The following CARM1 variants were observed in gnomAD, a reference collection of about 807,000 sequenced individuals.
CARM1 encodes coactivator associated arginine methyltransferase 1.
Under a neutral mutation model 72.7 loss-of-function variants are expected in CARM1, and 14 were observed. The ratio of observed to expected loss-of-function variants is 0.19; its 90% CI spans 0.13 to 0.30. The LOEUF is 0.30. Ranked by LOEUF, CARM1 falls within the 10% of genes least tolerant of loss-of-function variation. The pLI, the probability that CARM1 is intolerant of heterozygous loss-of-function variation, is 1.00. For missense variants in CARM1, 432 were observed against 833.7 expected, an observed-to-expected ratio of 0.52 and a Z score of 5.93; for synonymous variants, 333 against 345.5, an observed-to-expected ratio of 0.96 and a Z score of 0.40.
At chr19:10,875,019 G>A (rs2073852171) in intron 1 of CARM1, among the ~76,000 whole-genome samples, 1 of 148,324 alleles carries the variant, frequency 6.7e-6, no homozygotes, top group African/African-American at 2.5e-5. Flanking sequence ...GCAAGACCCT[G>A]TCTGAAAAAA....
Position 10,909,200 on chromosome 19 carries a change from A to T in CARM1, c.551A>T (p.Lys184Met). 6.2e-7 allele frequency: 1 copy of T among 1,611,020 alleles called. No individual in the cohort carries two copies. Among genetic ancestry groups the T allele is most frequent in the Non-Finnish European group, 8.5e-7 (1 of 1,177,930 alleles). The change falls in exon 4 of 16, where the codon AAG becomes ATG. Residue 184 changes from lysine (K) to methionine (M), a missense_variant. Coordinates refer to ENST00000327064, the MANE Select transcript of CARM1 (RefSeq NM_199141.2). ...ATCCTGCAAAACCACACCGACTTCA[A>T]GGACAAGGTGAGTGGCCCGCGCATG... ...RAILQNHTDF[K>M]DKIVLDVGCG...
At position 10,916,923 on chromosome 19, in the gene CARM1, A is replaced by G. The variant is rs2074201724; in HGVS notation, c.1020+146A>G. ...ACAGAGATTTGGGCCAAAAGTGTCAATGCATGTAGACACTTAGCACACAGC... is the reference window on the plus strand; with the variant it reads ...ACAGAGATTTGGGCCAAAAGTGTCAGTGCATGTAGACACTTAGCACACAGC... On this transcript the variant is annotated intron_variant, in intron 8 of 15. Transcript: ENST00000327064. The surrounding 1 kb of genome is among the most constrained non-coding windows in gnomAD (Gnocchi z 4.4). 8.2e-6 allele frequency: 5 copies of G among 610,570 alleles called. No homozygotes were observed. Among genetic ancestry groups the G allele is most frequent in the Non-Finnish European group, 1.5e-5 (5 of 341,806 alleles). The allele number at this position is 610,570 out of a possible 1,614,324, so 37.8% of individuals were successfully genotyped here. A position where few individuals can be genotyped will look rare whatever the true frequency, so the allele number is the denominator to read the frequency against.
At chr19:10,897,020 A>G (rs893452687) in intron 1 of CARM1, among the ~76,000 whole-genome samples, 1 of 152,194 alleles carries the variant, frequency 6.6e-6, no homozygotes, top group Non-Finnish European at 1.5e-5. Flanking sequence ...GAATCATTGT[A>G]GCAGAGATCA....
chr19:10,900,371 C>T (rs886972269), intron 1 of CARM1, among the ~76,000 whole-genome samples: 1 of 152,176 alleles, frequency 6.6e-6, no homozygotes, highest in East Asian at 1.9e-4. Context: ...CAGTTGCTCC[C>T]CATTCCTGCC....
intron 1 of CARM1, among the ~76,000 whole-genome samples, chr19:10,884,019 T>C (rs529516103): frequency 1.4e-5 from 2 of 146,004 alleles, no homozygotes; most frequent in African/African-American, 5.1e-5. Flanking sequence ...CTCTGTTTTT[T>C]TTTTTTTTTT....
At chr19:10,885,678 A>T (rs886290248) in intron 1 of CARM1, among the ~76,000 whole-genome samples, 3 of 152,150 alleles carry the variant, frequency 2.0e-5, no homozygotes, top group Non-Finnish European at 4.4e-5. Context: ...CTTGAACAGG[A>T]CGGGAAGGCG....
rs1415891550 is a variant in CARM1 at position 10,914,069 on chromosome 19, G to T, written c.847+15G>T. 2.5e-6 allele frequency: 4 copies of T among 1,604,930 alleles called. No homozygotes were observed. The highest frequency in any genetic ancestry group is 2.6e-6 in the Non-Finnish European group (3 of 1,176,204). ...GAAGCCCAGCGGTGAGCACTGGGGG[G>T]TACACAGGCCAGGCCCCTCGGTGGA... On this transcript the variant is annotated intron_variant, in intron 6 of 15. Transcript: ENST00000327064.
chr19:10,873,875 G>A (rs542638990), intron 1 of CARM1, among the ~76,000 whole-genome samples: 67 of 151,872 alleles, frequency 4.4e-4, no homozygotes, highest in Non-Finnish European at 5.7e-4. Flanking sequence ...TCCTGACCTC[G>A]TGATCCACCC....
At position 10,871,607 on chromosome 19, in the gene CARM1, G is replaced by GGCGGCGGCGGCGGCT. The variant is rs2073814814; in HGVS notation, c.-82_-81insTGCGGCGGCGGCGGC. The GGCGGCGGCGGCGGCT allele has an allele frequency of 8.5e-6, 1 of 118,100 alleles. No homozygotes were observed. The highest frequency in any genetic ancestry group is 2.6e-4 in the South Asian group (1 of 3,850). 7.3% of individuals were successfully genotyped at this position (118,100 alleles called of 1,614,324 possible). ...TAGCGGCAGCGGCGGCGGCGGCGGC[G>GGCGGCGGCGGCGGCT]GCGGCGGCGGCGGCGGCGGCGGCGG... On this transcript the variant is annotated 5_prime_UTR_variant, in exon 1 of 16. Transcript: ENST00000327064. The surrounding 1 kb of genome is among the most constrained non-coding windows in gnomAD (Gnocchi z 5.6).
At chr19:10,919,764 G>A (rs1172604842) in intron 9 of CARM1, 84 bp downstream of exon 9, 21 of 1,504,896 alleles carry the variant, frequency 1.4e-5, no homozygotes, top group Middle Eastern at 1.7e-4. Context: ...GCATCCTGCC[G>A]TCCCAGGGCA....
intron 1 of CARM1, among the ~76,000 whole-genome samples, chr19:10,879,261 G>C (rs1035784245): frequency 6.6e-6 from 1 of 152,212 alleles, no homozygotes; most frequent in Non-Finnish European, 1.5e-5. Flanking sequence ...AAAGGTTCCC[G>C]GTAGCTGATG....
At chr19:10,905,173 A>G in intron 2 of CARM1, 97 bp downstream of exon 2, 4 of 1,445,906 alleles carry the variant, frequency 2.8e-6, no homozygotes, top group Non-Finnish European at 3.8e-6. Context: ...TGGCCCGTGC[A>G]TCCTTAAGAA....
At chr19:10,891,725 T>C (rs1282687455) in intron 1 of CARM1, among the ~76,000 whole-genome samples, 1 of 152,222 alleles carries the variant, frequency 6.6e-6, no homozygotes, top group Non-Finnish European at 1.5e-5. Context: ...TGTCTGGCTA[T>C]CTTTCATGTA....
intron 1 of CARM1, among the ~76,000 whole-genome samples, chr19:10,900,530 A>C (rs1296720375): frequency 6.6e-6 from 1 of 152,156 alleles, no homozygotes; most frequent in African/African-American, 2.4e-5. Flanking sequence ...TTTATGGCTG[A>C]ATAATGTTTC....
chr19:10,898,752 C>T (rs997582709), intron 1 of CARM1, among the ~76,000 whole-genome samples: 8 of 152,198 alleles, frequency 5.3e-5, no homozygotes, highest in Non-Finnish European at 8.8e-5. Flanking sequence ...GGGTGCTGTT[C>T]GCAAGCCAGG....
rs2074190976 is a variant in CARM1 at position 10,915,765 on chromosome 19, G to A, written c.848-642G>A. Among the ~76,000 whole-genome samples the A allele has an allele frequency of 6.6e-6, 1 of 152,166 alleles. No individual in the cohort carries two copies. The highest frequency in any genetic ancestry group is 1.5e-5 in the Non-Finnish European group (1 of 68,000). ...GGGGCAGGCGGGGCTGCGGGGCCCTGATCCTCCCTGCCACTGGCCCTGACT... is the reference window on the plus strand; with the variant it reads ...GGGGCAGGCGGGGCTGCGGGGCCCTAATCCTCCCTGCCACTGGCCCTGACT... On this transcript the variant is annotated intron_variant, in intron 6 of 15. Transcript: ENST00000327064. The surrounding 1 kb of genome is among the most constrained non-coding windows in gnomAD (Gnocchi z 4.6).
chr19:10,913,664 G>T (rs952144215), intron 5 of CARM1, among the ~76,000 whole-genome samples: 8 of 152,156 alleles, frequency 5.3e-5, no homozygotes, highest in Admixed American at 2.0e-4. Flanking sequence ...CTCCCAAAGT[G>T]CTGGGATTAC....
At position 10,893,015 on chromosome 19, in the gene CARM1, G is replaced by A. The variant is rs1296040205; in HGVS notation, c.221-11936G>A. Among the ~76,000 whole-genome samples the A allele has an allele frequency of 4.6e-5, 7 of 151,902 alleles. No homozygotes were observed. In the South Asian group the frequency reaches 6.2e-4, roughly 13 times the overall value. On this transcript the variant is annotated intron_variant, in intron 1 of 15. Coordinates refer to ENST00000327064, the MANE Select transcript of CARM1 (RefSeq NM_199141.2). ...CTCCCAAAGTGGTGGGATTACAGGC[G>A]TGAGCCAACACTCCCGGCCCTGCCC...
At chr19:10,921,186 C>T (rs1568358117) in intron 14 of CARM1, 59 bp downstream of exon 14, 40 of 1,550,224 alleles carry the variant, frequency 2.6e-5, no homozygotes, top group East Asian at 4.5e-5. Context: ...GCCCAGGGGC[C>T]GGGAAGGGCC....
Sources: allele counts gnomAD v4.1 joint callset (sites outside exome capture counted in the v4.1 genomes callset), GRCh38; gene constraint gnomAD v4.1.1; non-coding constraint Gnocchi (gnomAD v3.1); transcripts MANE v1.5; gene names NCBI Gene and HGNC (gene_info 2026-07-23, HGNC 2026-07-21).